Variants in FBXO43 observed in about 807,000 individuals in gnomAD.
FBXO43 encodes the protein F-box only protein 43.
FBXO43 carries 22 observed loss-of-function variants against 56.7 expected under a neutral mutation model. That is an observed-to-expected ratio of 0.39 (90% CI 0.28 to 0.55). The LOEUF is 0.55. Ranked by LOEUF, FBXO43 falls within the 20% of genes least tolerant of loss-of-function variation. The pLI, the probability that FBXO43 is intolerant of heterozygous loss-of-function variation, is 0.66. For synonymous variants in FBXO43, 306 were observed against 294.5 expected, an observed-to-expected ratio of 1.04 and a Z score of -0.40; for missense variants, 733 against 814.9, an observed-to-expected ratio of 0.90 and a Z score of 1.22.
At chr8:100,143,150 G>C (rs889498231) in intron 1 of FBXO43, among the ~76,000 whole-genome samples, 1 of 152,078 alleles carries the variant, frequency 6.6e-6, no homozygotes, top group Non-Finnish European at 1.5e-5. Context: ...TAACAAATTT[G>C]TTTTGACAAA....
chr8:100,133,846 G>A lies in FBXO43; in HGVS notation c.2083C>T (p.Leu695Phe). The change falls in exon 5 of 5, where the codon CTC (leucine) becomes TTC (phenylalanine). Residue 695 changes from leucine to phenylalanine, a missense_variant. Leu to Phe is a conservative substitution (Grantham distance 22). Transcript: ENST00000428847. ...AAKPRNRKDA[L>F]PGSAQSKRNL... ...CGCTTACTCTGGGCACTTCCTGGGA[G>A]AGCATCTTTTCTATTTCTTGGCTTT... The A allele has an allele frequency of 6.2e-7, 1 of 1,614,164 alleles. No homozygotes were observed. Among genetic ancestry groups the A allele is most frequent in the Non-Finnish European group, 8.5e-7 (1 of 1,180,018 alleles).
chr8:100,144,040 T>G (rs1814741396), intron 1 of FBXO43, among the ~76,000 whole-genome samples: 1 of 152,230 alleles, frequency 6.6e-6, no homozygotes, highest in Non-Finnish European at 1.5e-5. Flanking sequence ...CCCAAAGTGC[T>G]GGGATTACAG....
At chr8:100,148,199 T>G (rs1273926585), upstream of FBXO43, among the ~76,000 whole-genome samples, 1 of 151,770 alleles carries the variant, frequency 6.6e-6, no homozygotes. Flanking sequence ...TCCAGTTAAT[T>G]TATTTTTCTT....
chr8:100,140,932 G>A lies in FBXO43; in HGVS notation c.1322C>T (p.Pro441Leu). The change falls in exon 2 of 5, where the codon CCA (proline) becomes CTA (leucine). Residue 441 changes from proline to leucine, a missense_variant. Physicochemically the swap from Pro to Leu is moderately conservative, Grantham distance 98 (BLOSUM62 -3). Coordinates refer to ENST00000428847, the MANE Select transcript of FBXO43 (RefSeq NM_001029860.4). ...CAGCTCATGTACCAATTGCAAGGCT[G>A]GGGTCTTTGATAAATTCTTTAAGCT... ...TFSLKNLSKT[P>L]ALQLVHELFM... is the part of the protein sequence containing the mutation. 6.2e-7 allele frequency: 1 copy of A among 1,614,094 alleles called. No homozygotes were observed. The highest frequency in any genetic ancestry group is 8.5e-7 in the Non-Finnish European group (1 of 1,180,026).
At chr8:100,146,951 G>A (rs1282789169), upstream of FBXO43, among the ~76,000 whole-genome samples, 2 of 152,158 alleles carry the variant, frequency 1.3e-5, no homozygotes, top group Non-Finnish European at 2.9e-5. Context: ...AGGTTCAAAC[G>A]ATTCTCCTGC....
chr8:100,149,042 T>C (rs1814875892), upstream of FBXO43, among the ~76,000 whole-genome samples: 1 of 152,190 alleles, frequency 6.6e-6, no homozygotes, highest in African/African-American at 2.4e-5. Flanking sequence ...TGGCATGTAG[T>C]ACATGCTCAG....
intron 2 of FBXO43, among the ~76,000 whole-genome samples, chr8:100,139,546 C>A (rs1016224608): frequency 1.3e-5 from 2 of 152,226 alleles, no homozygotes; most frequent in Non-Finnish European, 2.9e-5. Flanking sequence ...CATCATCTTG[C>A]AGAAATCCTG....
In FBXO43 at chr8:100,141,938, C is replaced by T; in HGVS notation, c.316G>A (p.Glu106Lys). The T allele has an allele frequency of 6.3e-7, 1 of 1,598,164 alleles. No individual in the cohort carries two copies. The highest frequency in any genetic ancestry group is 2.2e-5 in the East Asian group (1 of 44,738). ...CCCAGGCCTGAAGTTTCAGGGTGCT[C>T]ATAGAGTAATGTTGGGCCTTTTTCT... The part of the protein sequence containing the change: ...KKEKGPTLLY[E>K]HPETSGLGLT... The change falls in exon 2 of 5, where the codon GAG becomes AAG. Residue 106 changes from glutamate (E) to lysine (K), a missense_variant. Coordinates refer to ENST00000428847, the MANE Select transcript of FBXO43 (RefSeq NM_001029860.4).
Position 100,141,662 on chromosome 8 carries a change from A to G in FBXO43, c.592T>C (p.Ser198Pro), listed in dbSNP as rs1028596222. 4 of 1,612,910 alleles carry G rather than the reference A, an allele frequency of 2.5e-6. No homozygotes were observed. In the African/African-American group the frequency reaches 5.3e-5, roughly 22 times the overall value. ...AAAGGGCTAAAATTATTTGCCCTGG[A>G]AAAACCTGAAGCACTGCTTGGAATA... ...KNIPSSASGF[S>P]RANNFSPLVT... Residue 198 changes from serine (S) to proline (P), a missense_variant, in exon 2 of 5, where the codon TCC (serine) becomes CCC (proline). Coordinates refer to ENST00000428847, the MANE Select transcript of FBXO43 (RefSeq NM_001029860.4).
intron 2 of FBXO43, among the ~76,000 whole-genome samples, chr8:100,139,698 ATT>A (rs1814580220): frequency 6.6e-6 from 1 of 152,208 alleles, no homozygotes; most frequent in Non-Finnish European, 1.5e-5. Context: ...ATATTCTGAA[ATT>A]TGTTTCTCCT....
chr8:100,138,682 C>G (rs147668832), intron 2 of FBXO43, among the ~76,000 whole-genome samples: 3 of 152,282 alleles, frequency 2.0e-5, no homozygotes, highest in Non-Finnish European at 2.9e-5. Flanking sequence ...CTCACATAAG[C>G]AAGCACCCAA....
chr8:100,146,427 A>C (rs1205797088), upstream of FBXO43, among the ~76,000 whole-genome samples: 1 of 152,180 alleles, frequency 6.6e-6, no homozygotes, highest in Non-Finnish European at 1.5e-5. Flanking sequence ...TGAGACCCCC[A>C]TCTCAAAAAA....
intron 1 of FBXO43, among the ~76,000 whole-genome samples, chr8:100,143,772 AATTTTTTT>A (rs1814729942): frequency 6.6e-6 from 1 of 151,416 alleles, no homozygotes. Flanking sequence ...TTTAATTTTT[AATTTTTTT>A]ATTTTTTATG....
At chr8:100,138,761 G>A (rs1161090094) in intron 2 of FBXO43, among the ~76,000 whole-genome samples, 1 of 152,168 alleles carries the variant, frequency 6.6e-6, no homozygotes, top group Non-Finnish European at 1.5e-5. Context: ...TTCCTGGCTG[G>A]TCACAGCGGC....
intron 3 of FBXO43, among the ~76,000 whole-genome samples, chr8:100,134,890 GCCCCAGGAAGGA>G (rs1251699777): frequency 6.6e-6 from 1 of 152,134 alleles, no homozygotes; most frequent in Non-Finnish European, 1.5e-5. Flanking sequence ...ACAGCAAAGG[GCCCCAGGAAGGA>G]TGTCTCTGAG....
chr8:100,143,398 C>T (rs1311493485), intron 1 of FBXO43, among the ~76,000 whole-genome samples: 1 of 152,178 alleles, frequency 6.6e-6, no homozygotes, highest in African/African-American at 2.4e-5. Context: ...AATTGCTACT[C>T]TAAACACAAA....
In FBXO43 at chr8:100,145,171, T is replaced by G; in HGVS notation, c.-36A>C. ...TGCCACTTAAAGAGGAAAACTTTAG[T>G]TTGCACAATTAATTGAAAGGTGCAG... On this transcript the variant is annotated 5_prime_UTR_variant, in exon 1 of 5. Coordinates refer to ENST00000428847, the MANE Select transcript of FBXO43 (RefSeq NM_001029860.4). 1 of 1,573,870 alleles carries G rather than the reference T, an allele frequency of 6.4e-7. No homozygotes were observed. The highest frequency in any genetic ancestry group is 8.7e-7 in the Non-Finnish European group (1 of 1,155,726).
Position 100,140,950 on chromosome 8 carries a change from T to C in FBXO43, c.1304A>G (p.Lys435Arg). The part of the protein sequence containing the change: ...DESGDLTFSL[K>R]NLSKTPALQL... ...CAAGGCTGGGGTCTTTGATAAATTC[T>C]TTAAGCTAAAGGTCAAATCCCCACT... is the stretch of plus-strand genomic sequence containing the variant. The change falls in exon 2 of 5, where the codon AAG becomes AGG. Residue 435 changes from lysine to arginine, a missense_variant. Transcript: ENST00000428847. 1 of 1,614,252 alleles carries C rather than the reference T, an allele frequency of 6.2e-7. No individual in the cohort carries two copies.
chr8:100,141,149 C>A lies in FBXO43; in HGVS notation c.1105G>T (p.Gly369Trp). 6.2e-7 allele frequency: 1 copy of A among 1,614,164 alleles called. No homozygotes were observed. The highest frequency in any genetic ancestry group is 8.5e-7 in the Non-Finnish European group (1 of 1,180,034). The change falls in exon 2 of 5, where the codon GGG (glycine) becomes TGG (tryptophan). Residue 369 changes from glycine to tryptophan, a missense_variant. Coordinates refer to ENST00000428847, the MANE Select transcript of FBXO43 (RefSeq NM_001029860.4). ...TGTCTTGTCTTTCTTATGGTGTCCC[C>A]AACTTTGGGAGTCCCCTTATGTTTC... ...LQKHKGTPKVGDTIRKTRHLG... is the reference protein window; with the variant it reads ...LQKHKGTPKVWDTIRKTRHLG...
Sources: gnomAD v4.1 joint callset for allele counts (sites outside exome capture counted in the v4.1 genomes callset) on GRCh38, gnomAD v4.1.1 for gene constraint, MANE v1.5 for transcripts, NCBI Gene and HGNC (gene_info 2026-07-23, HGNC 2026-07-21) for gene names.